PDE4B: variants seen among roughly 807,000 people sequenced by gnomAD.
PDE4B encodes phosphodiesterase 4B.
PDE4B carries 20 observed loss-of-function variants against 82.2 expected under a neutral mutation model. That is an observed-to-expected ratio of 0.24 (90% CI 0.17 to 0.35). The LOEUF (loss-of-function observed/expected upper bound fraction) is 0.35, where lower values mean the gene tolerates loss of function less well. Among genes scored for constraint, PDE4B ranks in the 10% least tolerant of loss-of-function variants. The pLI is 1.00. For synonymous variants in PDE4B, 320 were observed against 318.9 expected, an observed-to-expected ratio of 1.00 and a Z score of -0.04; for missense variants, 655 against 907.2, an observed-to-expected ratio of 0.72 and a Z score of 3.57.
At chr1:66,204,100 G>C (rs1277947385) in intron 3 of PDE4B, among the ~76,000 whole-genome samples, 1 of 152,210 alleles carries the variant, frequency 6.6e-6, no homozygotes, top group Non-Finnish European at 1.5e-5. Context: ...GTTGGAGTTT[G>C]CTAGAGGTCC....
chr1:66,188,446 C>T (rs369529212), intron 3 of PDE4B, among the ~76,000 whole-genome samples: 4 of 151,968 alleles, frequency 2.6e-5, no homozygotes, highest in African/African-American at 7.3e-5. Context: ...GTTAAAGTCT[C>T]CCATTATTAT....
chr1:66,185,169 C>A (rs190451023), intron 3 of PDE4B, among the ~76,000 whole-genome samples: 4 of 152,200 alleles, frequency 2.6e-5, no homozygotes, highest in Admixed American at 6.5e-5. Context: ...AGGACATGAA[C>A]TCATCGTTTT....
At chr1:66,133,423 C>G (rs559899045) in intron 3 of PDE4B, among the ~76,000 whole-genome samples, 1 of 152,216 alleles carries the variant, frequency 6.6e-6, no homozygotes, top group South Asian at 2.1e-4. Flanking sequence ...TTTACTTTCA[C>G]TAATGTATCC....
At chr1:66,030,642 C>A (rs2489921) in intron 3 of PDE4B, among the ~76,000 whole-genome samples, 285 of 152,238 alleles carry the variant, frequency 1.9e-3, no homozygotes, top group African/African-American at 4.8e-3. Context: ...ATAATTATAT[C>A]AAAAGACATA....
At chr1:66,000,665 A>G (rs1651816123) in intron 3 of PDE4B, among the ~76,000 whole-genome samples, 2 of 152,220 alleles carry the variant, frequency 1.3e-5, no homozygotes, top group Admixed American at 6.5e-5. Context: ...CTTAGGGAGA[A>G]TGAGGATGAC....
chr1:65,941,555 T>G (rs1175287238), intron 3 of PDE4B, among the ~76,000 whole-genome samples: 1 of 151,662 alleles, frequency 6.6e-6, no homozygotes, highest in African/African-American at 2.4e-5. Flanking sequence ...AAGATATACC[T>G]CATGAAATAG....
At chr1:66,244,662 TGTTGGTTGCTTTG>T in intron 3 of PDE4B, among the ~76,000 whole-genome samples, 1 of 152,192 alleles carries the variant, frequency 6.6e-6, no homozygotes, top group South Asian at 2.1e-4. Flanking sequence ...TGTACATCTG[TGTTGGTTGCTTTG>T]AAGCAGTGCC....
Position 66,363,283 on chromosome 1 carries a change from GAA to G in PDE4B, c.1119+18_1119+19del. ...ATATTCCAGGTGAGTGAACAGGAGT[GAA>G]TACTGGCTTTCCAATTGGATGGCTC... On this transcript the variant is annotated intron_variant, in intron 11 of 16. Coordinates refer to ENST00000341517, the MANE Select transcript of PDE4B (RefSeq NM_002600.4). 6.4e-7 allele frequency: 1 copy of G among 1,567,186 alleles called. No individual in the cohort carries two copies. Among genetic ancestry groups the G allele is most frequent in the East Asian group, 2.2e-5 (1 of 44,602 alleles).
intron 8 of PDE4B, among the ~76,000 whole-genome samples, chr1:66,348,058 G>A (rs1661540411): frequency 2.0e-5 from 3 of 152,138 alleles, no homozygotes; most frequent in African/African-American, 7.2e-5. Flanking sequence ...GATGGTCTGT[G>A]GGTCTGATCC....
intron 1 of PDE4B, among the ~76,000 whole-genome samples, chr1:65,793,803 C>G (rs1350613575): frequency 1.3e-5 from 2 of 152,196 alleles, no homozygotes; most frequent in Non-Finnish European, 2.9e-5. Flanking sequence ...GGGCTTGGAC[C>G]TTTCTAGCTA....
chr1:66,197,563 C>T (rs1031779738), intron 3 of PDE4B, among the ~76,000 whole-genome samples: 2 of 152,086 alleles, frequency 1.3e-5, no homozygotes, highest in Admixed American at 6.6e-5. Flanking sequence ...AGATATGCAA[C>T]TTAAACTACA....
In PDE4B at chr1:66,114,188, G is replaced by A. The variant is rs558860295; in HGVS notation, c.282-133272G>A. ...GGCGCTGTCTATGAACCAGAAAGCA[G>A]GCCCTCACCAGAAACCAAATTAGCC... On this transcript the variant is annotated intron_variant, in intron 3 of 16. Transcript: ENST00000341517. Among the ~76,000 whole-genome samples, 21 of 152,216 alleles carry A rather than the reference G, an allele frequency of 1.4e-4. No homozygotes were observed. The East Asian group carries it at 3.3e-3, about 24-fold the overall frequency.
At chr1:65,999,122 A>G (rs1651719935) in intron 3 of PDE4B, among the ~76,000 whole-genome samples, 1 of 152,204 alleles carries the variant, frequency 6.6e-6, no homozygotes, top group Non-Finnish European at 1.5e-5. Flanking sequence ...AAGGTGGCCC[A>G]GCAAGCTTGC....
intron 8 of PDE4B, chr1:66,354,856 G>A (rs1662112636): frequency 2.0e-6 from 3 of 1,535,510 alleles, no homozygotes; most frequent in Admixed American, 2.0e-5. Flanking sequence ...AATGCCTGAG[G>A]CAAATTATTT....
intron 9 of PDE4B, among the ~76,000 whole-genome samples, chr1:66,358,660 G>A (rs1243638682): frequency 4.7e-5 from 6 of 128,650 alleles, no homozygotes; most frequent in African/African-American, 1.5e-4. Context: ...GGCGAGAAGA[G>A]CAAAACTCTG....
At chr1:65,847,276 G>A (rs2101372142) in intron 1 of PDE4B, among the ~76,000 whole-genome samples, 1 of 152,320 alleles carries the variant, frequency 6.6e-6, no homozygotes, top group Non-Finnish European at 1.5e-5. Context: ...AAGGTACTGA[G>A]GGAACTGTGG....
Position 66,372,343 on chromosome 1 carries a change from T to C in PDE4B, c.1876T>C (p.Leu626=). 4 of 1,613,526 alleles carry C rather than the reference T, an allele frequency of 2.5e-6. No individual in the cohort carries two copies. Among genetic ancestry groups the C allele is most frequent in the African/African-American group, 1.3e-5 (1 of 75,044 alleles). The change falls in exon 17 of 17, where the codon TTG becomes CTG. Residue 626 remains leucine (L), a synonymous_variant. Transcript: ENST00000341517. ...TTTCATCGACTACATTGTCCATCCA[T>C]TGTGGGAGACATGGGCAGATTTGGT... ...VGFIDYIVHP[L]WETWADLVQP...
At chr1:66,015,066 C>T (rs1439600987) in intron 3 of PDE4B, among the ~76,000 whole-genome samples, 1 of 152,124 alleles carries the variant, frequency 6.6e-6, no homozygotes, top group East Asian at 1.9e-4. Context: ...ATTTCATATA[C>T]ATCCAGTTAG....
At chr1:65,795,757 T>A (rs555729604) in intron 1 of PDE4B, among the ~76,000 whole-genome samples, 2 of 152,220 alleles carry the variant, frequency 1.3e-5, no homozygotes, top group Non-Finnish European at 2.9e-5. Context: ...CAGCTCTACT[T>A]CTCTCTTTGG....
Sources: gnomAD v4.1 joint callset for allele counts (sites outside exome capture counted in the v4.1 genomes callset) on GRCh38, gnomAD v4.1.1 for gene constraint, MANE v1.5 for transcripts, NCBI Gene and HGNC (gene_info 2026-07-23, HGNC 2026-07-21) for gene names.